The following TRIO variants were observed in gnomAD, a reference collection of about 807,000 sequenced individuals.
TRIO encodes the protein triple functional domain protein.
TRIO carries 58 observed loss-of-function variants against 351.9 expected under a neutral mutation model. The observed-to-expected ratio is 0.16, with a 90% CI of 0.13 to 0.21. The LOEUF (loss-of-function observed/expected upper bound fraction) is 0.21. Ranked by LOEUF, TRIO falls within the 10% of genes least tolerant of loss-of-function variation. The pLI is 1.00. For synonymous variants in TRIO, 1,758 were observed against 1,595.7 expected (o/e 1.10, Z -2.42); for missense variants, 3,201 against 4,027.8 (o/e 0.79, Z 5.56).
intron 1 of TRIO, among the ~76,000 whole-genome samples, chr5:14,208,180 CAT>C (rs1442357155): frequency 9.1e-6 from 1 of 109,882 alleles, no homozygotes; most frequent in East Asian, 2.7e-4. Context: ...TAAATGAAAA[CAT>C]GTCTGCACAA....
In TRIO at chr5:14,143,828, G is replaced by A; in HGVS notation, c.103G>A (p.Gly35Arg). 1 of 1,068,550 alleles carries A rather than the reference G, an allele frequency of 9.4e-7. No homozygotes were observed. The highest frequency in any genetic ancestry group is 6.5e-5 in the East Asian group (1 of 15,270). The allele number at this position is 1,068,550 out of a possible 1,614,324, so 66.2% of individuals were successfully genotyped here. A position where few individuals can be genotyped will look rare whatever the true frequency, so the allele number is the denominator to read the frequency against. The change falls in exon 1 of 57, where the codon GGG becomes AGG. Residue 35 changes from glycine to arginine, a missense_variant. Transcript: ENST00000344204. ...GSGCGGGAGE[G>R]AEEAAKDLAD... ...GGGCTGCGGGGGCGGTGCCGGCGAGGGGGCAGAGGAGGCGGCCAAGGACCT... is the reference window on the plus strand; with the variant it reads ...GGGCTGCGGGGGCGGTGCCGGCGAGAGGGCAGAGGAGGCGGCCAAGGACCT...
intron 1 of TRIO, among the ~76,000 whole-genome samples, chr5:14,175,004 G>A (rs1384647882): frequency 1.3e-5 from 2 of 152,004 alleles, no homozygotes; most frequent in African/African-American, 2.4e-5. Flanking sequence ...TTCATTTAAT[G>A]TGTGGTAAAG....
rs1238243855 is a variant in TRIO, at chr5:14,488,272, G to T, written c.7632+12G>T. On this transcript the variant is annotated intron_variant, in intron 48 of 56. Coordinates refer to ENST00000344204, the MANE Select transcript of TRIO (RefSeq NM_007118.4). The stretch of plus-strand genomic sequence containing the variant: ...CCCAGAGCAACGGGGTAAGCGCGTC[G>T]GGGGGCCCGCGCCCTCCCGCCCCCC... The T allele has an allele frequency of 1.3e-6, 2 of 1,545,214 alleles. No individual in the cohort carries two copies. The highest frequency in any genetic ancestry group is 1.7e-6 in the Non-Finnish European group (2 of 1,150,830).
chr5:14,493,089 CAAG>C (rs1756609920), intron 49 of TRIO, among the ~76,000 whole-genome samples: 1 of 152,112 alleles, frequency 6.6e-6, no homozygotes, highest in Non-Finnish European at 1.5e-5. Context: ...AGTCATAACT[CAAG>C]AAAGTGTTGT....
chr5:14,309,392 A>G (rs984262131), intron 8 of TRIO, among the ~76,000 whole-genome samples: 1 of 152,138 alleles, frequency 6.6e-6, no homozygotes, highest in African/African-American at 2.4e-5. Flanking sequence ...GCACAGGGAC[A>G]CCTCTTTTGG....
At chr5:14,400,709 C>T (rs981784177) in intron 30 of TRIO, among the ~76,000 whole-genome samples, 1 of 152,152 alleles carries the variant, frequency 6.6e-6, no homozygotes, top group South Asian at 2.1e-4. Context: ...TTTCCTTCCC[C>T]TGAATTTTTT....
chr5:14,479,881 A>G (rs1178406439), intron 42 of TRIO, 38 bp from the exon 43 acceptor site: 12 of 1,597,700 alleles, frequency 7.5e-6, no homozygotes, highest in Non-Finnish European at 8.6e-6. Context: ...CCTTTAATGA[A>G]CAGCCCATAC....
rs2126720127 is a variant in TRIO, at chr5:14,507,270, G to A, written c.8751+10G>A. The A allele has an allele frequency of 6.2e-7, 1 of 1,610,918 alleles. No individual in the cohort carries two copies. The highest frequency in any genetic ancestry group is 1.3e-5 in the African/African-American group (1 of 74,954). On this transcript the variant is annotated intron_variant, in intron 56 of 56. Coordinates refer to ENST00000344204, the MANE Select transcript of TRIO (RefSeq NM_007118.4). Reference sequence around the variant, plus strand: ...ACACCTGGACCTAAAGGTTGGTGAGGCCCCGGGCAGGTGAAGGGGGGTCTG... The same window carrying A: ...ACACCTGGACCTAAAGGTTGGTGAGACCCCGGGCAGGTGAAGGGGGGTCTG...
intron 34 of TRIO, among the ~76,000 whole-genome samples, chr5:14,448,114 A>ATTTGT (rs774367329): frequency 1.4e-4 from 22 of 152,298 alleles, no homozygotes; most frequent in African/African-American, 2.2e-4. Context: ...CGCATGCTGA[A>ATTTGT]TTTGTTTTGT....
rs772831079 is a variant in TRIO at position 14,381,213 on chromosome 5, G to C, written c.3531G>C (p.Glu1177Asp). ...GCTCCAGTATACAGCACACCCAGGA[G>C]CTCCTGAAAGAGCACGAGGAGTTCC... ...STGSSIQHTQ[E>D]LLKEHEEFQI... The change falls in exon 21 of 57, where the codon GAG becomes GAC. Residue 1177 changes from glutamate (E) to aspartate (D), a missense_variant. Physicochemically the swap from Glu to Asp is conservative, Grantham distance 45 (BLOSUM62 2). Transcript: ENST00000344204. 6.2e-7 allele frequency: 1 copy of C among 1,613,810 alleles called. No individual in the cohort carries two copies. Among genetic ancestry groups the C allele is most frequent in the Non-Finnish European group, 8.5e-7 (1 of 1,179,936 alleles).
chr5:14,383,129 T>A (rs1287264866), intron 21 of TRIO, among the ~76,000 whole-genome samples: 3 of 152,188 alleles, frequency 2.0e-5, no homozygotes, highest in Non-Finnish European at 4.4e-5. Flanking sequence ...TGAGACCAGC[T>A]TGGGCAAGAT....
intron 53 of TRIO, among the ~76,000 whole-genome samples, chr5:14,500,673 G>A (rs1435257687): frequency 6.6e-6 from 1 of 152,128 alleles, no homozygotes; most frequent in Non-Finnish European, 1.5e-5. Context: ...AGGTAGCCAT[G>A]GCTTGAGCCC....
chr5:14,368,704 C>G lies in TRIO; in HGVS notation c.2875-4C>G, dbSNP rs750962195. On this transcript the variant is annotated splice_region_variant and splice_polypyrimidine_tract_variant and intron_variant, in intron 16 of 56. Transcript: ENST00000344204. Reference sequence around the variant, plus strand: ...AAGCCTTCCCTTTTGTTCTCTGTCTCTAGAAAACACATCAGAGCGCGCTGC... The same window carrying G: ...AAGCCTTCCCTTTTGTTCTCTGTCTGTAGAAAACACATCAGAGCGCGCTGC... 5 of 1,610,908 alleles carry G rather than the reference C, an allele frequency of 3.1e-6. No individual in the cohort carries two copies. The highest frequency in any genetic ancestry group is 1.7e-4 in the Middle Eastern group (1 of 6,040).
At chr5:14,216,741 A>G (rs1792252281) in intron 1 of TRIO, among the ~76,000 whole-genome samples, 1 of 152,262 alleles carries the variant, frequency 6.6e-6, no homozygotes, top group Non-Finnish European at 1.5e-5. Context: ...ATAGTTTAAC[A>G]TGATTCAGTG....
At chr5:14,409,460 A>G (rs75558263) in intron 33 of TRIO, among the ~76,000 whole-genome samples, 3,115 of 151,368 alleles carry the variant, frequency 0.021, 96 homozygotes, top group African/African-American at 0.072. Context: ...GAGATACTCT[A>G]TCTGTGAAGA....
intron 46 of TRIO, among the ~76,000 whole-genome samples, chr5:14,484,511 G>A (rs1344279727): frequency 6.6e-6 from 1 of 152,130 alleles, no homozygotes; most frequent in Non-Finnish European, 1.5e-5. Context: ...AGTAAAAATG[G>A]CAGTTCAACT....
At chr5:14,339,076 A>G (rs911906661) in intron 11 of TRIO, among the ~76,000 whole-genome samples, 5 of 152,154 alleles carry the variant, frequency 3.3e-5, no homozygotes, top group Non-Finnish European at 7.3e-5. Flanking sequence ...TTACCTACAA[A>G]TAATTAAAAA....
intron 13 of TRIO, among the ~76,000 whole-genome samples, chr5:14,362,835 G>A (rs958994527): frequency 8.6e-5 from 13 of 152,008 alleles, no homozygotes; most frequent in Non-Finnish European, 1.5e-4. Context: ...TTTACTATGC[G>A]CTGATGATCA....
At chr5:14,439,212 C>T (rs1177705046) in intron 34 of TRIO, among the ~76,000 whole-genome samples, 1 of 152,184 alleles carries the variant, frequency 6.6e-6, no homozygotes, top group African/African-American at 2.4e-5. Flanking sequence ...GATGGGGTTT[C>T]ACCATGTTGG....
Sources: allele counts gnomAD v4.1 joint callset (sites outside exome capture counted in the v4.1 genomes callset), GRCh38; gene constraint gnomAD v4.1.1; transcripts MANE v1.5; gene names NCBI Gene and HGNC (gene_info 2026-07-23, HGNC 2026-07-21).